Variants in SYNDIG1L observed in about 807,000 individuals in gnomAD.
SYNDIG1L encodes the protein synapse differentiation inducing 1 like, also known as synapse differentiation-inducing gene protein 1-like.
SYNDIG1L carries 13 observed loss-of-function variants against 20.1 expected under a neutral mutation model. The observed-to-expected ratio is 0.65, with a 90% CI of 0.42 to 1.03. SYNDIG1L has a LOEUF of 1.03. SYNDIG1L is among the 50% of genes least tolerant of loss of function. The pLI is 0.00. For synonymous variants in SYNDIG1L, 128 were observed against 129.3 expected (o/e 0.99, Z 0.07); for missense variants, 294 against 305.1 (o/e 0.96, Z 0.27).
upstream of SYNDIG1L, among the ~76,000 whole-genome samples, chr14:74,428,552 A>G (rs531238920): frequency 1.4e-4 from 22 of 152,334 alleles, no homozygotes; most frequent in East Asian, 9.6e-4. Flanking sequence ...AGCAATTCCA[A>G]CACCTTGTGA....
the SYNDIG1L span, among the ~76,000 whole-genome samples, chr14:74,462,644 T>C: frequency 6.6e-6 from 1 of 152,082 alleles, no homozygotes; most frequent in African/African-American, 2.4e-5. Flanking sequence ...TAGATAGGAC[T>C]ATAGGTGTGT....
upstream of SYNDIG1L, among the ~76,000 whole-genome samples, chr14:74,430,622 G>C (rs1156933085): frequency 2.6e-5 from 4 of 152,160 alleles, no homozygotes; most frequent in Non-Finnish European, 5.9e-5. Flanking sequence ...TTTTAGTAGA[G>C]ATGGGGTTCA....
At chr14:74,427,084 T>C (rs1040281531), upstream of SYNDIG1L, among the ~76,000 whole-genome samples, 1 of 150,968 alleles carries the variant, frequency 6.6e-6, no homozygotes, top group African/African-American at 2.4e-5. Context: ...GTCTCCACCC[T>C]GTGCTGCTCT....
chr14:74,445,168 G>T, the SYNDIG1L span, among the ~76,000 whole-genome samples: 1 of 151,984 alleles, frequency 6.6e-6, no homozygotes, highest in Non-Finnish European at 1.5e-5. Context: ...TCTCTCTCTT[G>T]CTCCCTCTCT....
At chr14:74,444,603 G>C in the SYNDIG1L span, among the ~76,000 whole-genome samples, 1 of 151,646 alleles carries the variant, frequency 6.6e-6, no homozygotes, top group African/African-American at 2.4e-5. Context: ...AAATCCAAAA[G>C]AGCTGGGTAT....
At chr14:74,466,273 C>T in the SYNDIG1L span, among the ~76,000 whole-genome samples, 1 of 152,250 alleles carries the variant, frequency 6.6e-6, no homozygotes, top group Admixed American at 6.5e-5. Flanking sequence ...GGGCCCATGT[C>T]ATAATCACAG....
the SYNDIG1L span, among the ~76,000 whole-genome samples, chr14:74,434,101 G>C: frequency 6.6e-6 from 1 of 152,164 alleles, no homozygotes; most frequent in Non-Finnish European, 1.5e-5. Flanking sequence ...AAAATCTTAG[G>C]AGGAATTAAA....
At chr14:74,449,594 GAGC>G in the SYNDIG1L span, among the ~76,000 whole-genome samples, 1 of 143,212 alleles carries the variant, frequency 7.0e-6, no homozygotes, top group Non-Finnish European at 1.5e-5. Flanking sequence ...CCTGGTGACA[GAGC>G]AAGACTGTGC....
the SYNDIG1L span, chr14:74,476,176 G>C: frequency 2.0e-6 from 1 of 508,886 alleles, no homozygotes; most frequent in Non-Finnish European, 3.5e-6. Flanking sequence ...TGTGGCAGAG[G>C]CATATGGATG....
intron 1 of SYNDIG1L, among the ~76,000 whole-genome samples, chr14:74,423,907 G>A (rs552517357): frequency 6.6e-6 from 1 of 152,116 alleles, no homozygotes; most frequent in South Asian, 2.1e-4. Context: ...ATAATGGGGT[G>A]GTGGTTCCTG....
rs1165487065 is a variant in SYNDIG1L at position 74,409,484 on chromosome 14, A to T, written c.261T>A (p.Cys87Ter). The stretch of plus-strand genomic sequence containing the variant: ...CCCTGTCCTCTGTGAAGCTTGTCTC[A>T]CAGCTGCCTGCCCTGGGCTCCTTGA... ...DKVKEPRAGS[C>*]ETSFTEDREP... is the part of the protein sequence containing the mutation. Residue 87 changes from cysteine (C) to a stop codon, truncating the protein, a stop_gained, in exon 2 of 4, where the codon TGT (cysteine) becomes TGA (stop). Coordinates refer to ENST00000331628, the MANE Select transcript of SYNDIG1L (RefSeq NM_001105579.2). LOFTEE classifies it high-confidence loss of function. 1 of 1,612,828 alleles carries T rather than the reference A, an allele frequency of 6.2e-7. No homozygotes were observed. The highest frequency in any genetic ancestry group is 8.5e-7 in the Non-Finnish European group (1 of 1,179,530).
upstream of SYNDIG1L, among the ~76,000 whole-genome samples, chr14:74,428,704 G>T (rs1031616890): frequency 6.6e-6 from 1 of 152,170 alleles, no homozygotes; most frequent in East Asian, 1.9e-4. Context: ...TGGGAGGAGG[G>T]GATTGTTGGT....
the SYNDIG1L span, among the ~76,000 whole-genome samples, chr14:74,444,920 A>G: frequency 6.6e-6 from 1 of 152,184 alleles, no homozygotes; most frequent in Admixed American, 6.5e-5. Flanking sequence ...TAATTTCAGT[A>G]TATTCTTTAA....
At chr14:74,413,666 C>A (rs1022485409) in intron 1 of SYNDIG1L, among the ~76,000 whole-genome samples, 12 of 151,686 alleles carry the variant, frequency 7.9e-5, no homozygotes, top group Admixed American at 2.0e-4. Flanking sequence ...GCATAGATTT[C>A]TTCTGAGCCA....
chr14:74,457,383 C>CCTGCA, the SYNDIG1L span, among the ~76,000 whole-genome samples: 32 of 152,160 alleles, frequency 2.1e-4, no homozygotes, highest in African/African-American at 6.5e-4. Flanking sequence ...CCATCAATAT[C>CCTGCA]CTGCACTGAG....
At chr14:74,452,924 C>G in the SYNDIG1L span, among the ~76,000 whole-genome samples, 1 of 152,158 alleles carries the variant, frequency 6.6e-6, no homozygotes, top group Non-Finnish European at 1.5e-5. Context: ...GGTATTGATA[C>G]ACATAACATG....
chr14:74,431,720 C>A, the SYNDIG1L span, among the ~76,000 whole-genome samples: 9 of 152,006 alleles, frequency 5.9e-5, no homozygotes, highest in South Asian at 1.9e-3. Flanking sequence ...AATGAGGGAG[C>A]AGAAAGAGAA....
chr14:74,433,865 A>G, the SYNDIG1L span, among the ~76,000 whole-genome samples: 1 of 152,198 alleles, frequency 6.6e-6, no homozygotes, highest in Non-Finnish European at 1.5e-5. Flanking sequence ...CATACTAACT[A>G]TGTAAGCTTT....
At chr14:74,476,617 GTTC>G in the SYNDIG1L span, 21 of 1,501,316 alleles carry the variant, frequency 1.4e-5, no homozygotes, top group African/African-American at 2.9e-4. Flanking sequence ...AGAGGTCACT[GTTC>G]TTCTGCCCCA....
Sources: gnomAD v4.1 joint callset for allele counts (sites outside exome capture counted in the v4.1 genomes callset) on GRCh38, gnomAD v4.1.1 for gene constraint, MANE v1.5 for transcripts, NCBI Gene and HGNC (gene_info 2026-07-23, HGNC 2026-07-21) for gene names.